Variants in ROBO2 observed in about 807,000 individuals in gnomAD.
ROBO2 encodes roundabout guidance receptor 2.
A neutral mutation model predicts 160.8 loss-of-function variants in ROBO2; 53 were observed. The observed-to-expected ratio is 0.33, with a 90% CI of 0.26 to 0.41. The LOEUF is 0.41. ROBO2 is among the 10% of genes least tolerant of loss of function. The pLI, the probability that ROBO2 is intolerant of heterozygous loss-of-function variation, is 1.00. For missense variants in ROBO2, 1,577 were observed against 1,722.4 expected (o/e 0.92, Z 1.49); for synonymous variants, 664 against 611.7 (o/e 1.09, Z -1.26).
intron 2 of ROBO2, among the ~76,000 whole-genome samples, chr3:76,902,769 A>T (rs527752446): frequency 2.1e-4 from 32 of 152,126 alleles, no homozygotes; most frequent in African/African-American, 6.0e-4. Flanking sequence ...ATTTTATAAA[A>T]GTTTATTTGG....
chr3:76,588,001 T>C (rs1437246323), intron 2 of ROBO2, among the ~76,000 whole-genome samples: 1 of 152,202 alleles, frequency 6.6e-6, no homozygotes, highest in African/African-American at 2.4e-5. Flanking sequence ...ACAGAGTTGT[T>C]GGAATGATTA....
chr3:76,002,541 G>C (rs893291273), intron 2 of ROBO2, among the ~76,000 whole-genome samples: 4 of 152,088 alleles, frequency 2.6e-5, no homozygotes, highest in African/African-American at 9.7e-5. Context: ...GTTTGATAAG[G>C]GGTCTCCCTT....
intron 2 of ROBO2, among the ~76,000 whole-genome samples, chr3:76,371,208 T>C (rs915612950): frequency 3.9e-5 from 6 of 151,958 alleles, no homozygotes; most frequent in Admixed American, 1.3e-4. Context: ...CAAGAAGAAG[T>C]TTGCTTCATT....
chr3:77,485,797 GC>G (rs992115963), intron 4 of ROBO2, among the ~76,000 whole-genome samples: 4 of 151,856 alleles, frequency 2.6e-5, no homozygotes, highest in African/African-American at 9.7e-5. Flanking sequence ...CTTTTATTAA[GC>G]CCCAGGTCCA....
intron 2 of ROBO2, among the ~76,000 whole-genome samples, chr3:76,208,581 A>T (rs1157201374): frequency 6.6e-6 from 1 of 152,154 alleles, no homozygotes; most frequent in Admixed American, 6.6e-5. Context: ...TTCGTATAAA[A>T]TGTGAACGCT....
At chr3:77,565,615 C>T (rs1559625594) in intron 12 of ROBO2, among the ~76,000 whole-genome samples, 1 of 152,064 alleles carries the variant, frequency 6.6e-6, no homozygotes, top group South Asian at 2.1e-4. Flanking sequence ...AATTCAAACG[C>T]TCTGAGGTTG....
intron 2 of ROBO2, among the ~76,000 whole-genome samples, chr3:76,779,207 AC>A (rs2062473197): frequency 6.6e-6 from 1 of 151,042 alleles, no homozygotes. Flanking sequence ...AAAAAGTTGT[AC>A]ATATTTAATG....
At chr3:76,440,460 A>T (rs1401831061) in intron 2 of ROBO2, among the ~76,000 whole-genome samples, 5 of 151,838 alleles carry the variant, frequency 3.3e-5, no homozygotes, top group Non-Finnish European at 1.5e-5. Context: ...AAAGTACTTT[A>T]CTTGAAAGGG....
chr3:77,193,338 T>C (rs2082037422), intron 2 of ROBO2, among the ~76,000 whole-genome samples: 1 of 151,934 alleles, frequency 6.6e-6, no homozygotes. Flanking sequence ...TGTAGTGCAG[T>C]GGCTCTATCA....
intron 16 of ROBO2, among the ~76,000 whole-genome samples, chr3:77,582,721 ATGTAAT>A (rs2093951766): frequency 6.6e-6 from 1 of 151,904 alleles, no homozygotes; most frequent in Non-Finnish European, 1.5e-5. Context: ...TTTTACTTCT[ATGTAAT>A]AAACAGCAAT....
intron 2 of ROBO2, among the ~76,000 whole-genome samples, chr3:76,002,311 C>T (rs986134362): frequency 2.7e-4 from 41 of 152,198 alleles, no homozygotes; most frequent in East Asian, 1.9e-4. Flanking sequence ...ATAAGCCAAG[C>T]GATATGGTTT....
intron 2 of ROBO2, among the ~76,000 whole-genome samples, chr3:77,103,727 G>A (rs1305736632): frequency 2.0e-5 from 3 of 152,138 alleles, no homozygotes; most frequent in Non-Finnish European, 2.9e-5. Context: ...TGCGAGAATA[G>A]CAAAGCTATG....
chr3:77,533,730 C>A (rs568574010), intron 6 of ROBO2, among the ~76,000 whole-genome samples: 2 of 152,074 alleles, frequency 1.3e-5, no homozygotes, highest in African/African-American at 2.4e-5. Flanking sequence ...TTAAGTAAGG[C>A]GCAGCTGATG....
At chr3:75,981,493 G>A (rs2065272415) in intron 2 of ROBO2, among the ~76,000 whole-genome samples, 1 of 151,338 alleles carries the variant, frequency 6.6e-6, no homozygotes, top group African/African-American at 2.4e-5. Flanking sequence ...CCTACTATGT[G>A]TGAGAGATGT....
chr3:76,272,482 G>C (rs1254762074), intron 2 of ROBO2, among the ~76,000 whole-genome samples: 2 of 151,262 alleles, frequency 1.3e-5, no homozygotes, highest in East Asian at 1.9e-4. Flanking sequence ...GGCTAACATG[G>C]TGAAACCCCG....
At chr3:76,217,866 G>C (rs1471041283) in intron 2 of ROBO2, among the ~76,000 whole-genome samples, 1 of 152,118 alleles carries the variant, frequency 6.6e-6, no homozygotes, top group East Asian at 1.9e-4. Context: ...CAAAAAAAGA[G>C]AATTTTAAAC....
intron 2 of ROBO2, among the ~76,000 whole-genome samples, chr3:76,416,971 T>C: frequency 6.6e-6 from 1 of 152,334 alleles, no homozygotes; most frequent in Admixed American, 6.5e-5. Flanking sequence ...AAGATAGCAT[T>C]AATGTTATAA....
chr3:76,347,835 G>A (rs962598683), intron 2 of ROBO2, among the ~76,000 whole-genome samples: 4 of 151,918 alleles, frequency 2.6e-5, no homozygotes, highest in African/African-American at 7.3e-5. Context: ...TTCCACAAGT[G>A]GCCCCAAACA....
intron 2 of ROBO2, among the ~76,000 whole-genome samples, chr3:76,331,268 C>A (rs1368230481): frequency 1.3e-5 from 2 of 152,024 alleles, no homozygotes; most frequent in African/African-American, 4.8e-5. Context: ...TTGGCAAAAT[C>A]ATTAAAATAA....
Sources: allele counts gnomAD v4.1 joint callset (sites outside exome capture counted in the v4.1 genomes callset), GRCh38; gene constraint gnomAD v4.1.1; transcripts MANE v1.5; gene names NCBI Gene and HGNC (gene_info 2026-07-23, HGNC 2026-07-21).